Variants in PHLPP1 observed in about 807,000 individuals in gnomAD.
PHLPP1 encodes the protein PH domain and leucine rich repeat protein phosphatase 1, also known as PH domain leucine-rich repeat-containing protein phosphatase 1.
A neutral mutation model predicts 117.2 loss-of-function variants in PHLPP1; 42 were observed. That is an observed-to-expected ratio of 0.36 (90% CI 0.28 to 0.46). The LOEUF is 0.46. Ranked by LOEUF, PHLPP1 falls within the 20% of genes least tolerant of loss-of-function variation. The probability of loss-of-function intolerance (pLI) is 1.00; values close to 1 mark genes in which losing one functional copy is unlikely to be tolerated. For missense variants in PHLPP1, 2,084 were observed against 2,241.9 expected, an observed-to-expected ratio of 0.93 and a Z score of 1.42; for synonymous variants, 1,042 against 970.7, an observed-to-expected ratio of 1.07 and a Z score of -1.37.
intron 11 of PHLPP1, among the ~76,000 whole-genome samples, chr18:62,944,367 T>C (rs1289699730): frequency 6.6e-6 from 1 of 152,210 alleles, no homozygotes; most frequent in African/African-American, 2.4e-5. Context: ...TTGATGAAGA[T>C]TATAGATGAG....
At position 62,773,391 on chromosome 18, in the gene PHLPP1, C is replaced by T. The variant is rs1054616595; in HGVS notation, c.1576+56132C>T. On this transcript the variant is annotated intron_variant, in intron 1 of 16. Coordinates refer to ENST00000262719, the MANE Select transcript of PHLPP1 (RefSeq NM_194449.4). ...TTGTACTTCATGATTTTTTTTGGAG[C>T]TTCCCTATGGCCTTGATATAGTTTA... is the stretch of plus-strand genomic sequence containing the variant. 3.9e-5 allele frequency among the ~76,000 whole-genome samples: 6 copies of T among 152,076 alleles called. 1 individual carries two copies. The highest frequency in any genetic ancestry group is 7.4e-5 in the Non-Finnish European group (5 of 68,020).
chr18:62,966,776 A>G (rs970180799), intron 14 of PHLPP1, among the ~76,000 whole-genome samples: 2 of 152,122 alleles, frequency 1.3e-5, no homozygotes, highest in African/African-American at 4.8e-5. Context: ...GCAGTTCTGC[A>G]AGTTTTGGTA....
At chr18:62,946,863 C>G (rs952900737) in intron 12 of PHLPP1, among the ~76,000 whole-genome samples, 4 of 152,046 alleles carry the variant, frequency 2.6e-5, no homozygotes, top group African/African-American at 9.7e-5. Context: ...ACCATCCTGG[C>G]TAACACGGTG....
At chr18:62,777,696 G>A (rs946135281) in intron 1 of PHLPP1, among the ~76,000 whole-genome samples, 31 of 151,818 alleles carry the variant, frequency 2.0e-4, no homozygotes, top group African/African-American at 5.1e-4. Context: ...TACCTTTTCC[G>A]TCACTGTCTA....
intron 10 of PHLPP1, among the ~76,000 whole-genome samples, chr18:62,936,161 G>A (rs577589230): frequency 4.3e-4 from 66 of 152,312 alleles, no homozygotes; most frequent in South Asian, 1.2e-3. Flanking sequence ...AATGACGGGA[G>A]CATGTCAAAG....
Position 62,890,187 on chromosome 18 carries a change from G to A in PHLPP1, c.2067-4824G>A, listed in dbSNP as rs1410463012. Among the ~76,000 whole-genome samples, 8 of 151,964 alleles carry A rather than the reference G, an allele frequency of 5.3e-5. No homozygotes were observed. In the South Asian group the frequency reaches 8.3e-4, roughly 16 times the overall value. On this transcript the variant is annotated intron_variant, in intron 4 of 16. Coordinates refer to ENST00000262719, the MANE Select transcript of PHLPP1 (RefSeq NM_194449.4). ...GGTCATTATCACTTTCACAATGTTC[G>A]TATATACATAAAATGAATGGGAGAT...
intron 4 of PHLPP1, among the ~76,000 whole-genome samples, chr18:62,867,583 C>T (rs761306240): frequency 5.3e-5 from 8 of 152,104 alleles, no homozygotes; most frequent in Non-Finnish European, 1.0e-4. Context: ...AGCTTTCTGA[C>T]GGAATTCTTA....
intron 3 of PHLPP1, among the ~76,000 whole-genome samples, chr18:62,853,568 C>A (rs1915415399): frequency 6.6e-6 from 1 of 152,124 alleles, no homozygotes; most frequent in Non-Finnish European, 1.5e-5. Flanking sequence ...TGGAGTTTCC[C>A]CATGTTGGCC....
intron 4 of PHLPP1, among the ~76,000 whole-genome samples, chr18:62,863,078 G>C (rs985959604): frequency 6.7e-6 from 1 of 148,904 alleles, no homozygotes; most frequent in Admixed American, 6.7e-5. Flanking sequence ...TTGAAAGCAA[G>C]TTTATTAAGA....
chr18:62,817,644 T>C (rs1377921024), intron 1 of PHLPP1, among the ~76,000 whole-genome samples: 1 of 151,874 alleles, frequency 6.6e-6, no homozygotes, highest in Non-Finnish European at 1.5e-5. Flanking sequence ...AGAGGCCTTA[T>C]GAGGTCAGAA....
chr18:62,724,222 A>G (rs1911003818), intron 1 of PHLPP1, among the ~76,000 whole-genome samples: 1 of 152,192 alleles, frequency 6.6e-6, no homozygotes, highest in Non-Finnish European at 1.5e-5. Flanking sequence ...AGTTAAAGTG[A>G]AATTCTTAAA....
At chr18:62,753,558 T>C (rs77499735) in intron 1 of PHLPP1, among the ~76,000 whole-genome samples, 4,813 of 152,298 alleles carry the variant, frequency 0.032, 235 homozygotes, top group African/African-American at 0.11. Context: ...AAAAATTTAA[T>C]CAGGTCACTG....
intron 1 of PHLPP1, among the ~76,000 whole-genome samples, chr18:62,750,737 T>C (rs1244730385): frequency 6.6e-6 from 1 of 151,714 alleles, no homozygotes; most frequent in East Asian, 1.9e-4. Flanking sequence ...TTTTACAAGC[T>C]ACTGGGTTCT....
At chr18:62,976,195 C>T (rs567470835) in intron 16 of PHLPP1, among the ~76,000 whole-genome samples, 2 of 152,260 alleles carry the variant, frequency 1.3e-5, no homozygotes, top group East Asian at 3.9e-4. Context: ...CATATGGAGA[C>T]ATTTTTGGTC....
intron 9 of PHLPP1, among the ~76,000 whole-genome samples, chr18:62,916,272 A>T (rs983659211): frequency 1.3e-5 from 2 of 151,944 alleles, no homozygotes; most frequent in African/African-American, 4.8e-5. Context: ...CATTAATTAC[A>T]TGTTAATATT....
intron 3 of PHLPP1, among the ~76,000 whole-genome samples, chr18:62,849,815 A>AT (rs1915280832): frequency 1.2e-5 from 1 of 82,900 alleles, no homozygotes; most frequent in Non-Finnish European, 2.4e-5. Flanking sequence ...AAAAAAAAAA[A>AT]AAAAAAAAAA....
At chr18:62,738,655 T>C (rs968231760) in intron 1 of PHLPP1, among the ~76,000 whole-genome samples, 1 of 152,196 alleles carries the variant, frequency 6.6e-6, no homozygotes. Context: ...TATATTCCTA[T>C]GATAAAGTTT....
At chr18:62,905,163 A>G (rs1916814516) in intron 7 of PHLPP1, 61 bp from the exon 8 acceptor site, 2 of 1,034,992 alleles carry the variant, frequency 1.9e-6, no homozygotes, top group African/African-American at 1.6e-5. Flanking sequence ...CCACATACAA[A>G]AAGAGTCTCT....
intron 1 of PHLPP1, among the ~76,000 whole-genome samples, chr18:62,757,724 G>T (rs2144243530): frequency 6.6e-6 from 1 of 152,322 alleles, no homozygotes; most frequent in South Asian, 2.1e-4. Flanking sequence ...CAGAATACCT[G>T]GTTGCCTTGG....
Sources: gnomAD v4.1 joint callset for allele counts (sites outside exome capture counted in the v4.1 genomes callset) on GRCh38, gnomAD v4.1.1 for gene constraint, MANE v1.5 for transcripts, NCBI Gene and HGNC (gene_info 2026-07-23, HGNC 2026-07-21) for gene names.